The following COL4A6 variants were observed in gnomAD, a reference collection of about 807,000 sequenced individuals.
The protein encoded by COL4A6 is collagen alpha-6(IV) chain.
Under a neutral mutation model 126.7 loss-of-function variants are expected in COL4A6, and 59 were observed. That is an observed-to-expected ratio of 0.47 (90% confidence interval 0.38 to 0.58). The LOEUF is 0.58. Among genes scored for constraint, COL4A6 ranks in the 20% least tolerant of loss-of-function variants. The pLI is 0.00. For missense variants in COL4A6, 1,285 were observed against 1,337.3 expected (o/e 0.96, Z 0.61); for synonymous variants, 547 against 496.6 (o/e 1.10, Z -1.35).
intron 44 of COL4A6, among the ~76,000 whole-genome samples, chrX:108,157,667 G>A (rs1266702021): frequency 9.0e-6 from 1 of 111,601 alleles, no homozygotes; most frequent in Non-Finnish European, 1.9e-5. Flanking sequence ...TCTGGACTGC[G>A]GTTCTCAGAG....
intron 31 of COL4A6, among the ~76,000 whole-genome samples, chrX:108,173,461 GGTGTGTGT>G (rs56782024): frequency 0.21 from 21,432 of 100,752 alleles, 2,152 homozygotes; most frequent in Non-Finnish European, 0.3. Context: ...AATTGCTTCA[GGTGTGTGT>G]GTGTGTGTGT....
chrX:108,408,994 ATACT>A (rs928004029), intron 2 of COL4A6, among the ~76,000 whole-genome samples: 4 of 112,295 alleles, frequency 3.6e-5, no homozygotes, highest in Non-Finnish European at 7.5e-5. Context: ...TTACTTTCAT[ATACT>A]TTATGTGTTG....
intron 14 of COL4A6, 80 bp from the exon 15 acceptor site, chrX:108,195,206 C>T (rs1170350602): frequency 6.6e-6 from 5 of 760,194 alleles, no homozygotes; most frequent in Non-Finnish European, 9.9e-6. Flanking sequence ...ACAAAGTTAT[C>T]CAACTGAGTT....
rs760817513 is a variant in COL4A6 at position 108,287,355 on chromosome X, T to C, written c.144+23393A>G. ...TTGTTTGTAAGTCAGATGTGAATTT[T>C]ATCTGGTTGGGTGCTGGATATTTTG... is the stretch of plus-strand genomic sequence containing the variant. On this transcript the variant is annotated intron_variant, in intron 3 of 44. Coordinates refer to ENST00000334504, the MANE Select transcript of COL4A6 (RefSeq NM_033641.4). 2.7e-5 allele frequency among the ~76,000 whole-genome samples: 3 copies of C among 112,079 alleles called. No homozygotes were observed. In the East Asian group the frequency reaches 8.4e-4, roughly 32 times the overall value.
At chrX:108,434,958 G>A (rs971258112) in intron 2 of COL4A6, among the ~76,000 whole-genome samples, 12 of 110,418 alleles carry the variant, frequency 1.1e-4, no homozygotes, top group African/African-American at 2.0e-4. Context: ...GGAAGAGATC[G>A]TCTCCATCGC....
In COL4A6 at chrX:108,178,763, G is replaced by T. The variant is rs1290339783; in HGVS notation, c.2436C>A (p.Gly812=). ...PGTPGQVGQP[G]TPGSSGPYGI... is the part of the protein sequence containing the mutation. The stretch of plus-strand genomic sequence containing the variant: ...CATATGGACCACTAGATCCTGGGGT[G>T]CCTGGCTGTCCCACCTGTCCTGGTG... Residue 812 remains glycine, a synonymous_variant, in exon 27 of 45, where the codon GGC becomes GGA. Transcript: ENST00000334504. The T allele has an allele frequency of 8.3e-7, 1 of 1,211,774 alleles. No homozygotes were observed. Among genetic ancestry groups the T allele is most frequent in the Non-Finnish European group, 1.1e-6 (1 of 895,448 alleles).
chrX:108,181,493 T>C (rs980518339), intron 23 of COL4A6, among the ~76,000 whole-genome samples: 1 of 112,106 alleles, frequency 8.9e-6, no homozygotes, highest in African/African-American at 3.2e-5. Flanking sequence ...GCACTTCATT[T>C]GGGATCTGCT....
intron 3 of COL4A6, among the ~76,000 whole-genome samples, chrX:108,278,602 G>T (rs902932521): frequency 9.1e-5 from 10 of 110,121 alleles, no homozygotes; most frequent in African/African-American, 3.3e-4. Flanking sequence ...CCCCAATCTA[G>T]CAAGGCAGGC....
intron 2 of COL4A6, among the ~76,000 whole-genome samples, chrX:108,408,017 A>G (rs949581987): frequency 2.2e-4 from 25 of 111,773 alleles, no homozygotes; most frequent in African/African-American, 7.5e-4. Context: ...CAAGGCTCAG[A>G]GAAGCTAAGT....
At chrX:108,383,735 C>T in intron 2 of COL4A6, 1 of 516,282 alleles carries the variant, frequency 1.9e-6, no homozygotes, top group Non-Finnish European at 3.6e-6. Flanking sequence ...GTATCAGTCA[C>T]ACTGTCTGGA....
At chrX:108,383,166 A>C (rs2040601539) in intron 2 of COL4A6, among the ~76,000 whole-genome samples, 1 of 110,362 alleles carries the variant, frequency 9.1e-6, no homozygotes. Context: ...AGAATGAATA[A>C]AAAGCAAGAC....
At chrX:108,233,658 G>A (rs1260633160) in intron 3 of COL4A6, among the ~76,000 whole-genome samples, 1 of 111,641 alleles carries the variant, frequency 9.0e-6, no homozygotes, top group African/African-American at 3.3e-5. Context: ...CACCTATGCT[G>A]ATAAAGGGAT....
At chrX:108,198,100 T>G (rs752650045) in intron 13 of COL4A6, among the ~76,000 whole-genome samples, 1 of 111,746 alleles carries the variant, frequency 8.9e-6, no homozygotes, top group South Asian at 3.8e-4. Context: ...CCCGAAACTC[T>G]TAAAGTGCAA....
At chrX:108,365,222 C>T (rs936367841) in intron 2 of COL4A6, among the ~76,000 whole-genome samples, 7 of 112,003 alleles carry the variant, frequency 6.2e-5, no homozygotes, top group Non-Finnish European at 1.1e-4. Context: ...TGTAAATTTA[C>T]TTGCTTATGG....
In COL4A6 at chrX:108,438,217, T is replaced by G; in HGVS notation, c.-21A>C. 1 of 1,185,808 alleles carries G rather than the reference T, an allele frequency of 8.4e-7. No homozygotes were observed. The highest frequency in any genetic ancestry group is 1.1e-6 in the Non-Finnish European group (1 of 884,463). ...TGCATGCTTGCGGCTCCTCCGGAGC[T>G]GGGTCCCGGGAGACTGCTAAGCGGC... On this transcript the variant is annotated 5_prime_UTR_variant, in exon 1 of 45. Transcript: ENST00000334504.
At chrX:108,217,453 G>A (rs898911341) in intron 5 of COL4A6, among the ~76,000 whole-genome samples, 1 of 111,484 alleles carries the variant, frequency 9.0e-6, no homozygotes, top group Admixed American at 9.5e-5. Flanking sequence ...GTTGGAGTCA[G>A]CCTCCACCGC....
chrX:108,310,814 A>AT lies in COL4A6; in HGVS notation c.77dup (p.Tyr26Ter). 1 of 1,207,176 alleles carries AT rather than the reference A, an allele frequency of 8.3e-7. No individual in the cohort carries two copies. Among genetic ancestry groups the AT allele is most frequent in the Non-Finnish European group, 1.1e-6 (1 of 891,930 alleles). ...EELAAAGEKS[Y>*]GKPCGGQDCS... The stretch of plus-strand genomic sequence containing the variant: ...AGTCCTGGCCCCCACATGGCTTTCC[A>AT]TAAGACTTCTCTCCCTATTAAAAAA... Residue 26 changes from tyrosine to a stop codon, truncating the protein, a stop_gained and frameshift_variant, in exon 3 of 45, where the codon TAT (tyrosine) becomes TAAT (stop). Coordinates refer to ENST00000334504, the MANE Select transcript of COL4A6 (RefSeq NM_033641.4). LOFTEE classifies it high-confidence loss of function.
rs775274616 is a variant in COL4A6, at chrX:108,362,509, C to A, written c.64-51681G>T. ...ACATCAAGGTTCCTTGGGAACATCT[C>A]AAGATCCACCCAAGGGTCCATGAGG... On this transcript the variant is annotated intron_variant, in intron 2 of 44. Transcript: ENST00000334504. Among the ~76,000 whole-genome samples, 11 of 111,554 alleles carry A rather than the reference C, an allele frequency of 9.9e-5. No individual in the cohort carries two copies. The Admixed American group carries it at 1.0e-3, about 11-fold the overall frequency.
chrX:108,381,470 A>G (rs1160931247), intron 2 of COL4A6, among the ~76,000 whole-genome samples: 1 of 112,260 alleles, frequency 8.9e-6, no homozygotes, highest in East Asian at 2.8e-4. Context: ...TTTTTAAAAA[A>G]AGAAGCATTG....
Sources: allele counts gnomAD v4.1 joint callset (sites outside exome capture counted in the v4.1 genomes callset), GRCh38; gene constraint gnomAD v4.1.1; transcripts MANE v1.5; gene names NCBI Gene and HGNC (gene_info 2026-07-23, HGNC 2026-07-21).